Variants in FAM227B observed in about 807,000 individuals in gnomAD.
FAM227B encodes protein FAM227B.
Under a neutral mutation model 73.8 loss-of-function variants are expected in FAM227B, and 88 were observed. The observed-to-expected ratio is 1.19, with a 90% CI of 1.00 to 1.42. The LOEUF is 1.42. Ranked by LOEUF, FAM227B falls within the 40% of genes most tolerant of loss-of-function variation. The pLI is 0.00. For missense variants in FAM227B, 632 were observed against 590.9 expected (o/e 1.07, Z -0.72); for synonymous variants, 210 against 190.5 (o/e 1.10, Z -0.84).
chr15:49,379,808 A>G (rs771393753), intron 11 of FAM227B, among the ~76,000 whole-genome samples: 54 of 152,258 alleles, frequency 3.5e-4, no homozygotes, highest in Middle Eastern at 3.4e-3. Flanking sequence ...CACTGTGGCC[A>G]CCACCACTAT....
rs570402176 is a variant in FAM227B, at chr15:49,572,711, A to G, written c.645+2300T>C. On this transcript the variant is annotated intron_variant, in intron 8 of 15. Transcript: ENST00000299338. ...TAGGCCTGTAGAAACTGAGGTATAT[A>G]ATATTTATGCTTGGGAATAGGCATT... 2.0e-5 allele frequency among the ~76,000 whole-genome samples: 3 copies of G among 152,206 alleles called. No homozygotes were observed. In the South Asian group the frequency reaches 6.2e-4, roughly 32 times the overall value.
chr15:49,564,658 A>G (rs1232186922), intron 9 of FAM227B, among the ~76,000 whole-genome samples: 1 of 152,022 alleles, frequency 6.6e-6, no homozygotes, highest in Non-Finnish European at 1.5e-5. Context: ...CTATACAGCT[A>G]TAAAAAGGAA....
intron 11 of FAM227B, among the ~76,000 whole-genome samples, chr15:49,503,668 T>C (rs930992292): frequency 4.2e-4 from 64 of 151,974 alleles, no homozygotes; most frequent in Admixed American, 1.1e-3. Context: ...AAAAGACACA[T>C]GAAAAAATGC....
intron 11 of FAM227B, among the ~76,000 whole-genome samples, chr15:49,464,241 C>T (rs746700862): frequency 1.3e-5 from 2 of 152,032 alleles, no homozygotes; most frequent in Non-Finnish European, 2.9e-5. Flanking sequence ...CTTTATTTCC[C>T]GAAGGATATT....
intron 9 of FAM227B, among the ~76,000 whole-genome samples, chr15:49,558,198 C>T (rs1032391073): frequency 2.6e-5 from 4 of 152,084 alleles, no homozygotes; most frequent in Non-Finnish European, 5.9e-5. Context: ...GACTAAAGAC[C>T]GTGTGACCCC....
At chr15:49,507,194 T>G (rs1227358202) in intron 11 of FAM227B, among the ~76,000 whole-genome samples, 1 of 152,152 alleles carries the variant, frequency 6.6e-6, no homozygotes, top group East Asian at 1.9e-4. Context: ...TTGGATGATA[T>G]ATACTGCGAT....
chr15:49,607,939 C>G (rs1258974597), intron 3 of FAM227B, among the ~76,000 whole-genome samples: 3 of 152,034 alleles, frequency 2.0e-5, no homozygotes, highest in Non-Finnish European at 4.4e-5. Flanking sequence ...TAAGGTACCT[C>G]TTGAATAGAG....
At chr15:49,402,170 T>C (rs1287942192) in intron 11 of FAM227B, among the ~76,000 whole-genome samples, 2 of 152,070 alleles carry the variant, frequency 1.3e-5, no homozygotes, top group Non-Finnish European at 2.9e-5. Context: ...GTATACAAGC[T>C]TGGTGTACAA....
At chr15:49,605,925 C>T (rs1644007307) in intron 3 of FAM227B, among the ~76,000 whole-genome samples, 1 of 152,152 alleles carries the variant, frequency 6.6e-6, no homozygotes, top group Admixed American at 6.6e-5. Flanking sequence ...TGGCCTGGAG[C>T]TTGGGGCTGT....
At chr15:49,365,679 G>T (rs2045033923) in intron 13 of FAM227B, 1 of 956,824 alleles carries the variant, frequency 1.0e-6, no homozygotes, top group Middle Eastern at 3.0e-4. Flanking sequence ...ACTTGAAGCT[G>T]GCCAACTTCA....
intron 10 of FAM227B, among the ~76,000 whole-genome samples, chr15:49,541,472 G>A (rs1424675862): frequency 6.6e-6 from 1 of 151,906 alleles, no homozygotes; most frequent in Non-Finnish European, 1.5e-5. Flanking sequence ...TAAGATATTT[G>A]GCTCTAAATT....
intron 11 of FAM227B, among the ~76,000 whole-genome samples, chr15:49,428,968 C>A (rs2050360531): frequency 6.6e-6 from 1 of 151,966 alleles, no homozygotes; most frequent in South Asian, 2.1e-4. Flanking sequence ...AAACCTTCAG[C>A]GACTCATTTG....
At chr15:49,517,620 T>G (rs1340965510) in intron 10 of FAM227B, among the ~76,000 whole-genome samples, 1 of 152,132 alleles carries the variant, frequency 6.6e-6, no homozygotes, top group East Asian at 1.9e-4. Context: ...ATTAAATAAA[T>G]CATAGAGGCT....
chr15:49,525,092 T>C (rs1048995050), intron 10 of FAM227B, among the ~76,000 whole-genome samples: 3 of 152,128 alleles, frequency 2.0e-5, no homozygotes, highest in Admixed American at 6.5e-5. Flanking sequence ...TTATTGGTTT[T>C]GAAATGTGAG....
rs149845096 is a variant in FAM227B, at chr15:49,557,963, G to T, written c.747+10282C>A. On this transcript the variant is annotated intron_variant, in intron 9 of 15. Transcript: ENST00000299338. ...CACTGCTCCTCAGTAGGCAAGGCTT[G>T]CCAGCATGGGTTTCCAGCACAGTGG... 1.4e-4 allele frequency among the ~76,000 whole-genome samples: 22 copies of T among 152,292 alleles called. No homozygotes were observed. In the East Asian group the frequency reaches 4.2e-3, roughly 29 times the overall value.
chr15:49,397,355 A>G (rs933678605), intron 11 of FAM227B, among the ~76,000 whole-genome samples: 1 of 152,198 alleles, frequency 6.6e-6, no homozygotes, highest in African/African-American at 2.4e-5. Context: ...ATGTGAAAAG[A>G]CCAAATCTAC....
intron 11 of FAM227B, among the ~76,000 whole-genome samples, chr15:49,503,035 C>T (rs901430555): frequency 4.6e-5 from 7 of 152,116 alleles, no homozygotes; most frequent in Non-Finnish European, 1.0e-4. Flanking sequence ...TACTACAAGG[C>T]TACAGTAACC....
chr15:49,445,010 G>A (rs1033909341), intron 11 of FAM227B, among the ~76,000 whole-genome samples: 3 of 151,362 alleles, frequency 2.0e-5, no homozygotes, highest in Non-Finnish European at 4.4e-5. Context: ...ATTCATATAT[G>A]AATTCATATT....
intron 9 of FAM227B, among the ~76,000 whole-genome samples, chr15:49,550,663 C>T (rs2072839258): frequency 6.6e-6 from 1 of 151,138 alleles, no homozygotes; most frequent in African/African-American, 2.4e-5. Context: ...GGCAGAGGCT[C>T]TCCCCACATC....
Sources: allele counts gnomAD v4.1 joint callset (sites outside exome capture counted in the v4.1 genomes callset), GRCh38; gene constraint gnomAD v4.1.1; transcripts MANE v1.5; gene names NCBI Gene and HGNC (gene_info 2026-07-23, HGNC 2026-07-21).